TUSC3: variants seen among roughly 807,000 people sequenced by gnomAD.
TUSC3 encodes tumor suppressor candidate 3, also known as dolichyl-diphosphooligosaccharide--protein glycosyltransferase subunit TUSC3.
TUSC3 carries 45 observed loss-of-function variants against 44.8 expected under a neutral mutation model. The observed-to-expected ratio is 1.00, with a 90% confidence interval of 0.79 to 1.29. TUSC3 has a LOEUF of 1.29. TUSC3 is among the 50% of genes most tolerant of loss of function. The pLI is 0.00. For missense variants in TUSC3, 519 were observed against 437.9 expected (o/e 1.19, Z -1.65); for synonymous variants, 212 against 152.9 (o/e 1.39, Z -2.85).
At chr8:15,570,121 C>T (rs78462048) in intron 1 of TUSC3, among the ~76,000 whole-genome samples, 3,524 of 152,132 alleles carry the variant, frequency 0.023, 159 homozygotes, top group African/African-American at 0.079. Context: ...GCTTGTCCAT[C>T]GCATTATAAA....
chr8:15,427,952 T>A (rs1376701634), intron 1 of TUSC3, among the ~76,000 whole-genome samples: 1 of 148,234 alleles, frequency 6.7e-6, no homozygotes, highest in Non-Finnish European at 1.5e-5. Context: ...GGATGCAATT[T>A]TATTCTTTTT....
At chr8:15,475,225 T>TG (rs1300172194) in intron 1 of TUSC3, among the ~76,000 whole-genome samples, 2 of 152,134 alleles carry the variant, frequency 1.3e-5, no homozygotes, top group Non-Finnish European at 2.9e-5. Context: ...AAATCCATTT[T>TG]TTTGATGATC....
rs145380958 is a variant in TUSC3 at position 15,574,380 on chromosome 8, A to G, written c.138+33812A>G. 2.6e-3 allele frequency among the ~76,000 whole-genome samples: 398 copies of G among 152,260 alleles called. 1 individual carries two copies. Among genetic ancestry groups the G allele is most frequent in the African/African-American group, 9.1e-3 (377 of 41,560 alleles). On this transcript the variant is annotated intron_variant, in intron 1 of 10. Transcript: ENST00000503731. Reference sequence around the variant, plus strand: ...GATTATGGAGTTGTCAAGAGGCATTATATTTTAGTGGTCAACTTACATTCT... The same window carrying G: ...GATTATGGAGTTGTCAAGAGGCATTGTATTTTAGTGGTCAACTTACATTCT...
At chr8:15,751,462 A>T (rs762601292) in intron 9 of TUSC3, among the ~76,000 whole-genome samples, 1 of 151,934 alleles carries the variant, frequency 6.6e-6, no homozygotes, top group East Asian at 1.9e-4. Context: ...GCTCCCACCT[A>T]TATATACTAC....
At chr8:15,773,193 C>T in the TUSC3 span, among the ~76,000 whole-genome samples, 1 of 152,146 alleles carries the variant, frequency 6.6e-6, no homozygotes, top group Non-Finnish European at 1.5e-5. Flanking sequence ...ATAATGCTTA[C>T]TTCCTTTCAC....
intron 7 of TUSC3, among the ~76,000 whole-genome samples, chr8:15,735,152 G>C (rs1165444225): frequency 6.6e-6 from 1 of 152,010 alleles, no homozygotes; most frequent in African/African-American, 2.4e-5. Context: ...ATAATATTAA[G>C]GATAGGGTAG....
intron 1 of TUSC3, among the ~76,000 whole-genome samples, chr8:15,600,582 G>T (rs941723031): frequency 6.6e-6 from 1 of 151,628 alleles, no homozygotes; most frequent in African/African-American, 2.4e-5. Flanking sequence ...GTGGGTTACA[G>T]ATTAAAATAA....
chr8:15,599,238 A>G (rs1367727869), intron 1 of TUSC3, among the ~76,000 whole-genome samples: 1 of 151,696 alleles, frequency 6.6e-6, no homozygotes, highest in Non-Finnish European at 1.5e-5. Flanking sequence ...CTTTGGTGAG[A>G]TGTCTCTTAA....
intron 2 of TUSC3, among the ~76,000 whole-genome samples, chr8:15,630,103 C>T (rs1563142923): frequency 6.6e-6 from 1 of 152,134 alleles, no homozygotes; most frequent in Admixed American, 6.5e-5. Flanking sequence ...TTACTCATCT[C>T]TTCCAGGGTT....
At chr8:15,567,354 G>A (rs1051070521) in intron 1 of TUSC3, among the ~76,000 whole-genome samples, 1 of 152,116 alleles carries the variant, frequency 6.6e-6, no homozygotes, top group Non-Finnish European at 1.5e-5. Flanking sequence ...TAGCACAGTA[G>A]TTTAAAACGT....
intron 8 of TUSC3, among the ~76,000 whole-genome samples, chr8:15,748,148 A>G (rs762910885): frequency 1.6e-4 from 24 of 148,392 alleles, no homozygotes; most frequent in Non-Finnish European, 3.1e-4. Context: ...TACCACAAAT[A>G]GTACATTTTC....
chr8:15,593,125 G>C (rs1180974069), intron 1 of TUSC3, among the ~76,000 whole-genome samples: 1 of 151,968 alleles, frequency 6.6e-6, no homozygotes, highest in African/African-American at 2.4e-5. Flanking sequence ...TCACTCTGTT[G>C]CCCAGGGTGG....
intron 1 of TUSC3, among the ~76,000 whole-genome samples, chr8:15,448,455 A>G (rs984650954): frequency 6.6e-6 from 1 of 152,096 alleles, no homozygotes; most frequent in African/African-American, 2.4e-5. Flanking sequence ...GGTGAAATGC[A>G]TGTATCAGCA....
At position 15,540,532 on chromosome 8, in the gene TUSC3, C is replaced by T. The variant is rs997717111; in HGVS notation, c.102C>T (p.Leu34=). ...SFPFLLLLLL[L]CIQLGGGQKK... ...CCTTCCTTCTCCTGCTGCTGCTGCT[C>T]TGCATCCAGCTCGGGGGAGGACAGA... The change falls in exon 1 of 11, where the codon CTC becomes CTT. Residue 34 remains leucine (L), a synonymous_variant. Coordinates refer to ENST00000503731, the MANE Select transcript of TUSC3 (RefSeq NM_006765.4). 1 of 1,604,166 alleles carries T rather than the reference C, an allele frequency of 6.2e-7. No homozygotes were observed. Among genetic ancestry groups the T allele is most frequent in the African/African-American group, 1.4e-5 (1 of 73,604 alleles).
At chr8:15,531,149 G>A (rs1801443177) in intron 2 of TUSC3, among the ~76,000 whole-genome samples, 1 of 152,148 alleles carries the variant, frequency 6.6e-6, no homozygotes, top group African/African-American at 2.4e-5. Flanking sequence ...GCCAGAAGTA[G>A]GCCAACAAAT....
the TUSC3 span, among the ~76,000 whole-genome samples, chr8:15,780,547 T>G: frequency 6.6e-6 from 1 of 152,232 alleles, no homozygotes; most frequent in Non-Finnish European, 1.5e-5. Flanking sequence ...CCAGTTGTTC[T>G]GGAAGGCACT....
intron 2 of TUSC3, among the ~76,000 whole-genome samples, chr8:15,527,259 C>G (rs903558250): frequency 1.3e-5 from 2 of 152,142 alleles, no homozygotes; most frequent in Non-Finnish European, 2.9e-5. Flanking sequence ...CTCTGTCACC[C>G]AGGCTGGAGT....
chr8:15,659,680 G>T, intron 4 of TUSC3, 33 bp downstream of exon 4: 1 of 1,608,800 alleles, frequency 6.2e-7, no homozygotes, highest in South Asian at 1.1e-5. Flanking sequence ...TTTAATAATA[G>T]GCTGGTTAGT....
At chr8:15,715,902 C>CA (rs949006321) in intron 6 of TUSC3, among the ~76,000 whole-genome samples, 4 of 151,664 alleles carry the variant, frequency 2.6e-5, no homozygotes, top group Non-Finnish European at 5.9e-5. Flanking sequence ...GATTTATATA[C>CA]AAAAAAATGC....
Sources: allele counts gnomAD v4.1 joint callset (sites outside exome capture counted in the v4.1 genomes callset), GRCh38; gene constraint gnomAD v4.1.1; transcripts MANE v1.5; gene names NCBI Gene and HGNC (gene_info 2026-07-23, HGNC 2026-07-21).